Variants in ZFHX3 observed in about 807,000 individuals in gnomAD.
ZFHX3 encodes the protein zinc finger homeobox protein 3.
Under a neutral mutation model 279.1 loss-of-function variants are expected in ZFHX3, and 42 were observed. The observed-to-expected ratio is 0.15, with a 90% CI of 0.12 to 0.19. The LOEUF (loss-of-function observed/expected upper bound fraction) is 0.19. Ranked by LOEUF, ZFHX3 falls within the 10% of genes least tolerant of loss-of-function variation. The pLI is 1.00. For synonymous variants in ZFHX3, 2,293 were observed against 1,957.8 expected, an observed-to-expected ratio of 1.17 and a Z score of -4.52; for missense variants, 4,981 against 4,754.0, an observed-to-expected ratio of 1.05 and a Z score of -1.40.
chr16:73,816,251 G>T (rs1195675472), intron 1 of ZFHX3, among the ~76,000 whole-genome samples: 1 of 152,146 alleles, frequency 6.6e-6, no homozygotes, highest in East Asian at 1.9e-4. Context: ...AAATCTAGTT[G>T]TGAAGATGAC....
Position 73,200,086 on chromosome 16 carries a change from A to G in ZFHX3, c.-1103-56255T>C, listed in dbSNP as rs142320697. Among the ~76,000 whole-genome samples, 39 of 152,338 alleles carry G rather than the reference A, an allele frequency of 2.6e-4. No homozygotes were observed. The East Asian group carries it at 6.6e-3, about 26-fold the overall frequency. ...AGGAAAATGTCAGCATGATGAAAAAACATAGAAGAAAATAAGTGTCTTCTG... is the reference window on the plus strand; with the variant it reads ...AGGAAAATGTCAGCATGATGAAAAAGCATAGAAGAAAATAAGTGTCTTCTG... On this transcript the variant is annotated intron_variant, in intron 5 of 17. Coordinates refer to the ZFHX3 transcript ENST00000641206.
chr16:73,133,868 C>T (rs1372404208), intron 6 of ZFHX3, among the ~76,000 whole-genome samples: 1 of 152,120 alleles, frequency 6.6e-6, no homozygotes, highest in East Asian at 1.9e-4. Context: ...TTTAGCCCTC[C>T]CACAAGTGCC....
At chr16:73,193,108 C>T (rs1355756998) in intron 5 of ZFHX3, among the ~76,000 whole-genome samples, 9 of 152,180 alleles carry the variant, frequency 5.9e-5, no homozygotes, top group East Asian at 1.9e-4. Flanking sequence ...GGTGGATGCA[C>T]GTGGAATTCC....
At chr16:73,513,017 G>T (rs2019459540) in intron 2 of ZFHX3, among the ~76,000 whole-genome samples, 1 of 152,176 alleles carries the variant, frequency 6.6e-6, no homozygotes, top group Non-Finnish European at 1.5e-5. Context: ...TTTCAATGAG[G>T]ATAATAGAAT....
At chr16:73,536,506 C>T (rs768609977) in intron 2 of ZFHX3, among the ~76,000 whole-genome samples, 1 of 152,192 alleles carries the variant, frequency 6.6e-6, no homozygotes, top group Non-Finnish European at 1.5e-5. Context: ...AAATGCAATT[C>T]CTTCCATCTG....
intron 3 of ZFHX3, among the ~76,000 whole-genome samples, chr16:73,323,197 C>A (rs1041890168): frequency 4.6e-5 from 7 of 152,004 alleles, no homozygotes; most frequent in Non-Finnish European, 1.0e-4. Flanking sequence ...CCTGGTGGGA[C>A]CTGGACAGAC....
intron 2 of ZFHX3, among the ~76,000 whole-genome samples, chr16:73,672,368 C>A (rs2052912655): frequency 6.6e-6 from 1 of 152,102 alleles, no homozygotes; most frequent in Non-Finnish European, 1.5e-5. Flanking sequence ...TCCGTGTTAC[C>A]ATTTCTGAAC....
intron 1 of ZFHX3, among the ~76,000 whole-genome samples, chr16:72,999,257 A>G (rs933416368): frequency 2.0e-5 from 3 of 152,326 alleles, no homozygotes; most frequent in South Asian, 4.1e-4. Context: ...TCCCAGGTTC[A>G]AGCAATTCTC....
intron 1 of ZFHX3, among the ~76,000 whole-genome samples, chr16:73,755,908 G>A (rs2053804246): frequency 6.6e-6 from 1 of 152,132 alleles, no homozygotes; most frequent in Admixed American, 6.5e-5. Flanking sequence ...CGAGGCACTC[G>A]CCCCTCTCCC....
intron 3 of ZFHX3, among the ~76,000 whole-genome samples, chr16:72,945,236 CTGGTGAATCA>C (rs1431797148): frequency 1.3e-5 from 2 of 152,234 alleles, no homozygotes; most frequent in African/African-American, 4.8e-5. Flanking sequence ...CCGCACACCA[CTGGTGAATCA>C]TGAGCCATAC....
At chr16:73,634,432 TAATATATATA>T (rs1567538487) in intron 2 of ZFHX3, among the ~76,000 whole-genome samples, 1 of 132,760 alleles carries the variant, frequency 7.5e-6, no homozygotes, top group African/African-American at 3.2e-5. Context: ...TTATTATGTA[TAATATATATA>T]TATATATATA....
In ZFHX3 at chr16:73,691,886, T is replaced by C. The variant is rs190727503; in HGVS notation, c.-1607-11646A>G. Among the ~76,000 whole-genome samples the C allele has an allele frequency of 2.6e-4, 40 of 152,350 alleles. No individual in the cohort carries two copies. In the East Asian group the frequency reaches 6.9e-3, roughly 26 times the overall value. On this transcript the variant is annotated intron_variant, in intron 1 of 17. Transcript: ENST00000641206. ...CTAAAAATGTTTAAGGAGCACCTCC[T>C]CTATGCGAAAGATCTGAAGAGCTGG...
chr16:73,178,993 G>C (rs1273326905), intron 5 of ZFHX3, among the ~76,000 whole-genome samples: 1 of 152,174 alleles, frequency 6.6e-6, no homozygotes, highest in African/African-American at 2.4e-5. Flanking sequence ...AATTGAGTGA[G>C]ATAATGGTTG....
At chr16:73,078,933 C>T (rs192975440) in intron 8 of ZFHX3, among the ~76,000 whole-genome samples, 1 of 152,182 alleles carries the variant, frequency 6.6e-6, no homozygotes, top group African/African-American at 2.4e-5. Context: ...TGTGAGCCAC[C>T]GCGCCCGGCC....
chr16:73,780,891 G>C (rs945376904), intron 1 of ZFHX3, among the ~76,000 whole-genome samples: 1 of 152,322 alleles, frequency 6.6e-6, no homozygotes, highest in Non-Finnish European at 1.5e-5. Context: ...CTATTCAAAG[G>C]CTGCTTTTTT....
chr16:73,569,304 C>T (rs894193002), intron 2 of ZFHX3, among the ~76,000 whole-genome samples: 1 of 151,400 alleles, frequency 6.6e-6, no homozygotes, highest in Non-Finnish European at 1.5e-5. Context: ...AGCCCTGATA[C>T]GAAAACAGAA....
intron 1 of ZFHX3, among the ~76,000 whole-genome samples, chr16:72,999,561 T>C (rs532069675): frequency 1.6e-4 from 25 of 152,322 alleles, no homozygotes; most frequent in Admixed American, 4.6e-4. Flanking sequence ...TTTGGAGGCA[T>C]GCTCACAGCA....
At chr16:73,284,649 T>C (rs149644137) in intron 4 of ZFHX3, among the ~76,000 whole-genome samples, 2 of 152,166 alleles carry the variant, frequency 1.3e-5, no homozygotes, top group African/African-American at 2.4e-5. Flanking sequence ...TCTGTTTTTT[T>C]TGTTTTGTTT....
chr16:73,100,829 T>G (rs1220779191), intron 7 of ZFHX3, among the ~76,000 whole-genome samples: 1 of 152,172 alleles, frequency 6.6e-6, no homozygotes, highest in Non-Finnish European at 1.5e-5. Context: ...ACTCCTGACC[T>G]CAGGTGATCT....
Sources: gnomAD v4.1 joint callset for allele counts (sites outside exome capture counted in the v4.1 genomes callset) on GRCh38, gnomAD v4.1.1 for gene constraint, MANE v1.5 for transcripts, NCBI Gene and HGNC (gene_info 2026-07-23, HGNC 2026-07-21) for gene names.